Variants in CHODL observed in about 807,000 individuals in gnomAD.
The protein encoded by CHODL is chondrolectin.
Under a neutral mutation model 34.5 loss-of-function variants are expected in CHODL, and 29 were observed. The observed-to-expected ratio is 0.84, with a 90% CI of 0.63 to 1.15. The LOEUF is 1.15. CHODL is among the 50% of genes most tolerant of loss of function. The pLI, the probability that CHODL is intolerant of heterozygous loss-of-function variation, is 0.00. For synonymous variants in CHODL, 125 were observed against 116.1 expected, an observed-to-expected ratio of 1.08 and a Z score of -0.49; for missense variants, 332 against 332.5, an observed-to-expected ratio of 1.00 and a Z score of 0.01.
chr21:18,008,465 G>T (rs1038580023), intron 1 of CHODL, among the ~76,000 whole-genome samples: 1 of 151,982 alleles, frequency 6.6e-6, no homozygotes, highest in Non-Finnish European at 1.5e-5. Context: ...TATAGCTGAA[G>T]AACAACTCTC....
chr21:18,186,465 A>G (rs2073443181), intron 2 of CHODL, among the ~76,000 whole-genome samples: 1 of 152,166 alleles, frequency 6.6e-6, no homozygotes, highest in Non-Finnish European at 1.5e-5. Flanking sequence ...GGGTCCCAGA[A>G]ATATAAATCA....
chr21:18,057,893 A>T (rs1250722064), intron 2 of CHODL, among the ~76,000 whole-genome samples: 1 of 152,112 alleles, frequency 6.6e-6, no homozygotes, highest in African/African-American at 2.4e-5. Context: ...TGATATTTTG[A>T]TATATGTATA....
chr21:18,126,736 A>G (rs1448939760), intron 2 of CHODL, among the ~76,000 whole-genome samples: 1 of 152,226 alleles, frequency 6.6e-6, no homozygotes, highest in African/African-American at 2.4e-5. Context: ...CATTTAAAAA[A>G]TCTTTCATAA....
intron 2 of CHODL, among the ~76,000 whole-genome samples, chr21:18,115,910 C>T (rs2065406774): frequency 6.6e-6 from 1 of 151,968 alleles, no homozygotes. Flanking sequence ...CAATGACTTG[C>T]TAAATGATCA....
intron 2 of CHODL, among the ~76,000 whole-genome samples, chr21:18,196,492 T>C (rs1188611333): frequency 6.6e-6 from 1 of 152,118 alleles, no homozygotes; most frequent in Non-Finnish European, 1.5e-5. Context: ...CAGTAATTGG[T>C]GACTGGCAGT....
chr21:18,098,200 AG>A (rs1002450073), intron 2 of CHODL, among the ~76,000 whole-genome samples: 2 of 152,100 alleles, frequency 1.3e-5, no homozygotes, highest in Admixed American at 1.3e-4. Flanking sequence ...CAGAGCAAAA[AG>A]GAACAAATGG....
At chr21:18,098,084 A>T (rs1179921722) in intron 2 of CHODL, among the ~76,000 whole-genome samples, 1 of 152,076 alleles carries the variant, frequency 6.6e-6, no homozygotes, top group Non-Finnish European at 1.5e-5. Flanking sequence ...AAAACATAGA[A>T]ATCTAAGACC....
At chr21:18,207,636 G>C (rs2146717644) in intron 2 of CHODL, among the ~76,000 whole-genome samples, 1 of 141,678 alleles carries the variant, frequency 7.1e-6, no homozygotes, top group East Asian at 2.1e-4. Context: ...GACAGGTCTG[G>C]TGGTGGTGAT....
chr21:18,168,732 C>T (rs2073187542), intron 2 of CHODL, among the ~76,000 whole-genome samples: 1 of 152,060 alleles, frequency 6.6e-6, no homozygotes, highest in African/African-American at 2.4e-5. Context: ...TGTCTTTTGA[C>T]TTTCTTGATG....
Position 18,266,394 on chromosome 21 carries a change from A to G in CHODL, c.*356A>G, listed in dbSNP as rs1310542535. ...CCTTTCATAAGTTGTTATCTAGTCA[A>G]TGTAATGTATATTGTATTGAAATTT... On this transcript the variant is annotated 3_prime_UTR_variant, in exon 6 of 6. Transcript: ENST00000299295. The G allele has an allele frequency of 4.7e-6, 2 of 426,234 alleles. No homozygotes were observed. Among genetic ancestry groups the G allele is most frequent in the Non-Finnish European group, 8.4e-6 (2 of 237,104 alleles). 26.4% of individuals were successfully genotyped at this position (426,234 alleles called of 1,614,324 possible).
intron 2 of CHODL, among the ~76,000 whole-genome samples, chr21:18,068,567 A>T (rs978203322): frequency 6.6e-6 from 1 of 152,024 alleles, no homozygotes; most frequent in African/African-American, 2.4e-5. Flanking sequence ...CCCTTAATCC[A>T]ACTGGGCCTC....
intron 1 of CHODL, among the ~76,000 whole-genome samples, chr21:17,942,334 G>A (rs2063371644): frequency 6.6e-6 from 1 of 151,954 alleles, no homozygotes; most frequent in Non-Finnish European, 1.5e-5. Flanking sequence ...ATGGGGGTGG[G>A]TCTTTTCTGG....
chr21:18,099,456 A>G (rs998117262), intron 2 of CHODL, among the ~76,000 whole-genome samples: 3 of 151,650 alleles, frequency 2.0e-5, no homozygotes. Flanking sequence ...AATATAGTTT[A>G]TATTTTCCAA....
chr21:18,166,849 G>A (rs1008184135), intron 2 of CHODL, among the ~76,000 whole-genome samples: 2 of 152,064 alleles, frequency 1.3e-5, no homozygotes, highest in Non-Finnish European at 2.9e-5. Context: ...GGGGACCAAT[G>A]TCATGTGGAA....
At chr21:17,965,595 T>C (rs2063565633) in intron 1 of CHODL, among the ~76,000 whole-genome samples, 1 of 152,194 alleles carries the variant, frequency 6.6e-6, no homozygotes, top group Non-Finnish European at 1.5e-5. Context: ...CACGTGTTTA[T>C]ACTCTTATAA....
chr21:18,248,060 C>T (rs1185668817), intron 1 of CHODL, among the ~76,000 whole-genome samples: 1 of 151,212 alleles, frequency 6.6e-6, no homozygotes, highest in Non-Finnish European at 1.5e-5. Context: ...TGATCCCCAA[C>T]CTATTTTTGC....
chr21:17,939,765 C>A (rs373974526), intron 1 of CHODL, among the ~76,000 whole-genome samples: 4 of 152,172 alleles, frequency 2.6e-5, no homozygotes, highest in African/African-American at 9.7e-5. Context: ...CCTTCAGAAT[C>A]TTTCCCTTTC....
At chr21:18,048,856 C>A (rs1309730011) in intron 2 of CHODL, among the ~76,000 whole-genome samples, 1 of 151,880 alleles carries the variant, frequency 6.6e-6, no homozygotes, top group Non-Finnish European at 1.5e-5. Context: ...GCAACCTACT[C>A]TCCAGCCACT....
At chr21:18,253,319 T>TG (rs2074279792) in intron 1 of CHODL, among the ~76,000 whole-genome samples, 1 of 152,112 alleles carries the variant, frequency 6.6e-6, no homozygotes, top group Admixed American at 6.6e-5. Context: ...TGTTTTGTTT[T>TG]TTTTTAATAT....
Sources: allele counts gnomAD v4.1 joint callset (sites outside exome capture counted in the v4.1 genomes callset), GRCh38; gene constraint gnomAD v4.1.1; transcripts MANE v1.5; gene names NCBI Gene and HGNC (gene_info 2026-07-23, HGNC 2026-07-21).